Variants in NPR2 observed in about 807,000 individuals in gnomAD.
NPR2 encodes atrial natriuretic peptide receptor 2.
NPR2 carries 49 observed loss-of-function variants against 120.7 expected under a neutral mutation model. The observed-to-expected ratio is 0.41, with a 90% confidence interval of 0.32 to 0.52. NPR2 has a LOEUF of 0.52. NPR2 is among the 20% of genes least tolerant of loss of function. The pLI, the probability that NPR2 is intolerant of heterozygous loss-of-function variation, is 0.36. For missense variants in NPR2, 931 were observed against 1,362.9 expected, an observed-to-expected ratio of 0.68 and a Z score of 4.99; for synonymous variants, 484 against 519.8, an observed-to-expected ratio of 0.93 and a Z score of 0.94.
Position 35,791,728 on chromosome 9 carries a change from G to C in NPR2, c.-681G>C, listed in dbSNP as rs1394073457. On this transcript the variant is annotated 5_prime_UTR_variant, in exon 1 of 22. Transcript: ENST00000342694. Reference sequence around the variant, plus strand: ...GGCAGCGCCGGCCGCCAGGGCCCAGGAGAAGCGGAGCAGAGAGGAGCGGGG... The same window carrying C: ...GGCAGCGCCGGCCGCCAGGGCCCAGCAGAAGCGGAGCAGAGAGGAGCGGGG... Among the ~76,000 whole-genome samples, 1 of 151,786 alleles carries C rather than the reference G, an allele frequency of 6.6e-6. No individual in the cohort carries two copies. Among genetic ancestry groups the C allele is most frequent in the African/African-American group, 2.4e-5 (1 of 41,366 alleles).
rs1479757017 is a variant in NPR2, at chr9:35,791,773, A to G, written c.-636A>G. Among the ~76,000 whole-genome samples the G allele has an allele frequency of 1.3e-5, 2 of 151,706 alleles. No homozygotes were observed. The highest frequency in any genetic ancestry group is 4.8e-5 in the African/African-American group (2 of 41,304). ...GCGGGGACACGGGCGGGGCCGCCGT[A>G]GCTCCGGATGGGACCAGCGCCCGGG... On this transcript the variant is annotated 5_prime_UTR_variant, in exon 1 of 22. Coordinates refer to ENST00000342694, the MANE Select transcript of NPR2 (RefSeq NM_003995.4).
At position 35,805,950 on chromosome 9, in the gene NPR2, C is replaced by T; in HGVS notation, c.2168C>T (p.Pro723Leu). Reference sequence around the variant, plus strand: ...CAGGAGATAGCACTTCGCAGTGGTCCTTTCTACTTGGAGGGCCTGGACCTC... The same window carrying T: ...CAGGAGATAGCACTTCGCAGTGGTCTTTTCTACTTGGAGGGCCTGGACCTC... ...ILQEIALRSG[P>L]FYLEGLDLSP... The change falls in exon 14 of 22, where the codon CCT (proline) becomes CTT (leucine). Residue 723 changes from proline (P) to leucine (L), a missense_variant. Around this residue, in one of 3 missense-constraint regions of NPR2, gnomAD observed 681 missense variants for 974.3 expected, o/e 0.70. Coordinates refer to ENST00000342694, the MANE Select transcript of NPR2 (RefSeq NM_003995.4). This position sits in a 1 kb window ranked among gnomAD's most constrained non-coding sequence, Gnocchi z 4.9. 3.7e-6 allele frequency: 6 copies of T among 1,614,204 alleles called. No homozygotes were observed. The highest frequency in any genetic ancestry group is 5.1e-6 in the Non-Finnish European group (6 of 1,180,048).
chr9:35,796,559 A>G (rs928865651), intron 2 of NPR2, among the ~76,000 whole-genome samples: 1 of 152,212 alleles, frequency 6.6e-6, no homozygotes, highest in Non-Finnish European at 1.5e-5. Context: ...AGTCCCCAGC[A>G]TTAAGGGTAG....
Position 35,808,691 on chromosome 9 carries a change from T to C in NPR2, c.2887+8T>C, listed in dbSNP as rs375515992. On this transcript the variant is annotated splice_region_variant and intron_variant, in intron 19 of 21. Transcript: ENST00000342694. This position sits in a 1 kb window ranked among gnomAD's most constrained non-coding sequence, Gnocchi z 4.0. ...GCATAGGGGTCCATACTGGTAAGGC[T>C]GACTCTCACTCCAGCCCTAGTCTCC... is the stretch of plus-strand genomic sequence containing the variant. 5.8e-5 allele frequency: 93 copies of C among 1,613,978 alleles called. 1 individual carries two copies. The South Asian group carries it at 9.9e-4, about 17-fold the overall frequency.
intron 17 of NPR2, 48 bp from the exon 18 acceptor site, chr9:35,807,282 G>A (rs748744024): frequency 1.3e-6 from 2 of 1,551,620 alleles, no homozygotes; most frequent in South Asian, 2.2e-5. Context: ...AGAATTCTTA[G>A]AAAATTGGGC....
Position 35,802,157 on chromosome 9 carries a change from C to T in NPR2, c.1633-49C>T. The T allele has an allele frequency of 3.6e-6, 5 of 1,377,068 alleles. No individual in the cohort carries two copies. Among genetic ancestry groups the T allele is most frequent in the Non-Finnish European group, 5.2e-6 (5 of 963,992 alleles). The allele number at this position is 1,377,068 out of a possible 1,614,324, so 85.3% of individuals were successfully genotyped here. A position where few individuals can be genotyped will look rare whatever the true frequency, so the allele number is the denominator to read the frequency against. On this transcript the variant is annotated intron_variant, in intron 9 of 21. Transcript: ENST00000342694. The surrounding 1 kb of genome is among the most constrained non-coding windows in gnomAD (Gnocchi z 4.2). ...CTGCTCTCTAGCATTTCCTTGTACC[C>T]AGAACTTCTGATATTCACTTTCCTT...
Position 35,802,148 on chromosome 9 carries a change from C to G in NPR2, c.1633-58C>G, listed in dbSNP as rs1466591404. 1 of 1,343,504 alleles carries G rather than the reference C, an allele frequency of 7.4e-7. No homozygotes were observed. The highest frequency in any genetic ancestry group is 1.2e-5 in the South Asian group (1 of 85,604). 83.2% of individuals were successfully genotyped at this position (1,343,504 alleles called of 1,614,324 possible). Reference sequence around the variant, plus strand: ...GTGCTTCCACTGCTCTCTAGCATTTCCTTGTACCCAGAACTTCTGATATTC... The same window carrying G: ...GTGCTTCCACTGCTCTCTAGCATTTGCTTGTACCCAGAACTTCTGATATTC... On this transcript the variant is annotated intron_variant, in intron 9 of 21. Transcript: ENST00000342694. The surrounding 1 kb of genome is among the most constrained non-coding windows in gnomAD (Gnocchi z 4.2).
At position 35,791,722 on chromosome 9, in the gene NPR2, G is replaced by A. The variant is rs908618137; in HGVS notation, c.-687G>A. 1.3e-5 allele frequency among the ~76,000 whole-genome samples: 2 copies of A among 151,700 alleles called. No individual in the cohort carries two copies. Among genetic ancestry groups the A allele is most frequent in the Non-Finnish European group, 2.9e-5 (2 of 67,824 alleles). On this transcript the variant is annotated 5_prime_UTR_variant, in exon 1 of 22. Transcript: ENST00000342694. ...GCGCCGGGCAGCGCCGGCCGCCAGGGCCCAGGAGAAGCGGAGCAGAGAGGA... is the reference window on the plus strand; with the variant it reads ...GCGCCGGGCAGCGCCGGCCGCCAGGACCCAGGAGAAGCGGAGCAGAGAGGA...
At position 35,809,620 on chromosome 9, in the gene NPR2, C is replaced by T. The variant is rs773353639; in HGVS notation, c.*175C>T. 4.3e-6 allele frequency: 5 copies of T among 1,154,660 alleles called. No individual in the cohort carries two copies. The highest frequency in any genetic ancestry group is 1.7e-5 in the Admixed American group (1 of 59,494). The allele number at this position is 1,154,660 out of a possible 1,614,324, so 71.5% of individuals were successfully genotyped here. Reference sequence around the variant, plus strand: ...TCTGCAGCTCAGCCCTGTACATATACCTGTCCCTCTCTGGCTTGGTCCCCT... The same window carrying T: ...TCTGCAGCTCAGCCCTGTACATATATCTGTCCCTCTCTGGCTTGGTCCCCT... On this transcript the variant is annotated 3_prime_UTR_variant, in exon 22 of 22. Transcript: ENST00000342694. This position sits in a 1 kb window ranked among gnomAD's most constrained non-coding sequence, Gnocchi z 4.1.
rs28764011 is a variant in NPR2 at position 35,802,398 on chromosome 9, G to A, written c.1711-105G>A. The stretch of plus-strand genomic sequence containing the variant: ...TTGATTTATAAATGATTTTAAAATC[G>A]TAGATACAACTAAGAGAAAGGTCCT... On this transcript the variant is annotated intron_variant, in intron 10 of 21. Transcript: ENST00000342694. The surrounding 1 kb of genome is among the most constrained non-coding windows in gnomAD (Gnocchi z 4.2). 2,889 of 960,508 alleles carry A rather than the reference G, an allele frequency of 3.0e-3. 71 individuals carry two copies. The East Asian group carries it at 0.052, about 17-fold the overall frequency. The allele number at this position is 960,508 out of a possible 1,614,324, so 59.5% of individuals were successfully genotyped here. A position where few individuals can be genotyped will look rare whatever the true frequency, so the allele number is the denominator to read the frequency against.
Position 35,802,355 on chromosome 9 carries a change from G to A in NPR2, c.1710+72G>A, listed in dbSNP as rs112127269. The A allele has an allele frequency of 9.7e-7, 1 of 1,034,856 alleles. No individual in the cohort carries two copies. Among genetic ancestry groups the A allele is most frequent in the African/African-American group, 1.6e-5 (1 of 63,954 alleles). 64.1% of individuals were successfully genotyped at this position (1,034,856 alleles called of 1,614,324 possible). A position where few individuals can be genotyped will look rare whatever the true frequency, so the allele number is the denominator to read the frequency against. ...GGGAAAACTATGAAATAGTAAAATT[G>A]GCTAGATGGGCAAGGGGTTGATTTA... On this transcript the variant is annotated intron_variant, in intron 10 of 21. Coordinates refer to ENST00000342694, the MANE Select transcript of NPR2 (RefSeq NM_003995.4). This position sits in a 1 kb window ranked among gnomAD's most constrained non-coding sequence, Gnocchi z 4.2.
chr9:35,794,738 A>G (rs1470615606), intron 2 of NPR2, among the ~76,000 whole-genome samples: 2 of 152,198 alleles, frequency 1.3e-5, no homozygotes, highest in Non-Finnish European at 2.9e-5. Context: ...GTTCACTTAA[A>G]GGAGATACAG....
chr9:35,806,025 G>C lies in NPR2; in HGVS notation c.2203+40G>C, dbSNP rs1202233188. 1 of 1,614,158 alleles carries C rather than the reference G, an allele frequency of 6.2e-7. No homozygotes were observed. The highest frequency in any genetic ancestry group is 1.1e-5 in the South Asian group (1 of 91,084). ...ACTACCCACAGCCTCTTCTTCCTGG[G>C]GGAACTCTGTTCTTCATCCAAACCT... On this transcript the variant is annotated intron_variant, in intron 14 of 21. Coordinates refer to ENST00000342694, the MANE Select transcript of NPR2 (RefSeq NM_003995.4). The surrounding 1 kb of genome is among the most constrained non-coding windows in gnomAD (Gnocchi z 4.6).
chr9:35,808,118 T>C lies in NPR2; in HGVS notation c.2713-391T>C, dbSNP rs1178102323. On this transcript the variant is annotated intron_variant, in intron 18 of 21. Coordinates refer to ENST00000342694, the MANE Select transcript of NPR2 (RefSeq NM_003995.4). The surrounding 1 kb of genome is among the most constrained non-coding windows in gnomAD (Gnocchi z 4.0). The stretch of plus-strand genomic sequence containing the variant: ...TACCAAAATCAAATGCCTGCTTTCC[T>C]CCTCTCTGACAGTTTGGGCTGTCAG... The C allele has an allele frequency of 1.9e-5, 25 of 1,301,710 alleles. No individual in the cohort carries two copies. The East Asian group carries it at 5.1e-4, about 26-fold the overall frequency. 80.6% of individuals were successfully genotyped at this position (1,301,710 alleles called of 1,614,324 possible). A position where few individuals can be genotyped will look rare whatever the true frequency, so the allele number is the denominator to read the frequency against.
At position 35,808,048 on chromosome 9, in the gene NPR2, C is replaced by A; in HGVS notation, c.2713-461C>A. The A allele has an allele frequency of 1.1e-5, 8 of 736,768 alleles. No homozygotes were observed. In the South Asian group the frequency reaches 1.2e-4, roughly 11 times the overall value. 45.6% of individuals were successfully genotyped at this position (736,768 alleles called of 1,614,324 possible). ...TTCCTAAAAACTTCACTGTGTATTT[C>A]CTTAAAACAATGGCATTTATTCTCT... is the stretch of plus-strand genomic sequence containing the variant. On this transcript the variant is annotated intron_variant, in intron 18 of 21. Coordinates refer to ENST00000342694, the MANE Select transcript of NPR2 (RefSeq NM_003995.4). The surrounding 1 kb of genome is among the most constrained non-coding windows in gnomAD (Gnocchi z 4.0).
rs1418410058 is a variant in NPR2, at chr9:35,800,143, G to A, written c.1109G>A (p.Gly370Glu). 2.5e-6 allele frequency: 4 copies of A among 1,613,812 alleles called. No homozygotes were observed. The highest frequency in any genetic ancestry group is 1.3e-5 in the African/African-American group (1 of 74,908). Residue 370 changes from glycine to glutamate, a missense_variant, in exon 4 of 22, where the codon GGA (glycine) becomes GAA (glutamate). By Grantham distance (98) the Gly-to-Glu change is moderately conservative (BLOSUM62 -2). Transcript: ENST00000342694. This position sits in a 1 kb window ranked among gnomAD's most constrained non-coding sequence, Gnocchi z 4.7. ...DGLRIVEKMQGRRYHGVTGLV... is the reference protein window; with the variant it reads ...DGLRIVEKMQERRYHGVTGLV... Reference sequence around the variant, plus strand: ...CTTCGAATTGTGGAAAAGATGCAGGGACGAAGATATCACGGTAATGAAGAG... The same window carrying A: ...CTTCGAATTGTGGAAAAGATGCAGGAACGAAGATATCACGGTAATGAAGAG...
chr9:35,799,016 CTTT>C (rs1192225699), intron 2 of NPR2, among the ~76,000 whole-genome samples: 1 of 152,226 alleles, frequency 6.6e-6, no homozygotes, highest in Admixed American at 6.5e-5. Context: ...GAGCACACAG[CTTT>C]TCACAGGTGG....
chr9:35,806,664 G>A lies in NPR2; in HGVS notation c.2519+126G>A. The A allele has an allele frequency of 2.0e-6, 2 of 1,012,922 alleles. No homozygotes were observed. Among genetic ancestry groups the A allele is most frequent in the South Asian group, 1.3e-5 (1 of 76,366 alleles). 62.7% of individuals were successfully genotyped at this position (1,012,922 alleles called of 1,614,324 possible). ...CCTGCTGGCCACAGGGAGCACCCCT[G>A]CTTATAGATTATTTGCTGTCATTCT... On this transcript the variant is annotated intron_variant, in intron 16 of 21. Transcript: ENST00000342694. The surrounding 1 kb of genome is among the most constrained non-coding windows in gnomAD (Gnocchi z 4.6).
At chr9:35,797,446 A>G (rs1317942606) in intron 2 of NPR2, among the ~76,000 whole-genome samples, 1 of 152,194 alleles carries the variant, frequency 6.6e-6, no homozygotes, top group Non-Finnish European at 1.5e-5. Context: ...GGAAGAAAGC[A>G]CTAAACCAAG....
Sources: allele counts gnomAD v4.1 joint callset (sites outside exome capture counted in the v4.1 genomes callset), GRCh38; gene constraint gnomAD v4.1.1; regional missense constraint gnomAD v4.1.1; non-coding constraint Gnocchi (gnomAD v3.1); transcripts MANE v1.5; gene names NCBI Gene and HGNC (gene_info 2026-07-23, HGNC 2026-07-21).